Variants in CNTN5 observed in about 807,000 individuals in gnomAD.
CNTN5 encodes contactin-5.
CNTN5 carries 77 observed loss-of-function variants against 129.1 expected under a neutral mutation model. That is an observed-to-expected ratio of 0.60 (90% CI 0.50 to 0.72). The LOEUF is 0.72. CNTN5 is among the 30% of genes least tolerant of loss of function. The probability of loss-of-function intolerance (pLI) is 0.00; values close to 1 mark genes in which losing one functional copy is unlikely to be tolerated. For synonymous variants in CNTN5, 509 were observed against 465.6 expected (o/e 1.09, Z -1.20); for missense variants, 1,478 against 1,328.8 (o/e 1.11, Z -1.75).
intron 2 of CNTN5, among the ~76,000 whole-genome samples, chr11:99,466,119 T>C (rs1208133717): frequency 1.6e-4 from 24 of 152,138 alleles, no homozygotes; most frequent in Admixed American, 1.6e-3. Flanking sequence ...CCTGACCTCG[T>C]GATCCACCCG....
intron 1 of CNTN5, among the ~76,000 whole-genome samples, chr11:99,313,206 T>C (rs1444665870): frequency 6.6e-6 from 1 of 151,990 alleles, no homozygotes; most frequent in Non-Finnish European, 1.5e-5. Context: ...ACAGTTATGA[T>C]GTAAGATTAC....
At chr11:99,939,064 C>T (rs866949459) in intron 7 of CNTN5, among the ~76,000 whole-genome samples, 1 of 151,976 alleles carries the variant, frequency 6.6e-6, no homozygotes, top group Non-Finnish European at 1.5e-5. Flanking sequence ...TTTATCAACC[C>T]TCCGGTGTTT....
chr11:99,905,339 G>A (rs1257163637), intron 6 of CNTN5, among the ~76,000 whole-genome samples: 1 of 152,158 alleles, frequency 6.6e-6, no homozygotes, highest in Non-Finnish European at 1.5e-5. Context: ...AAGGGGTCCA[G>A]TTTCAGTTTT....
At chr11:100,026,522 C>T (rs1374955905) in intron 9 of CNTN5, among the ~76,000 whole-genome samples, 1 of 152,148 alleles carries the variant, frequency 6.6e-6, no homozygotes, top group African/African-American at 2.4e-5. Flanking sequence ...GAGAGTTCTT[C>T]TTGTTCTATT....
chr11:99,727,374 T>C (rs1444002865), intron 3 of CNTN5, among the ~76,000 whole-genome samples: 1 of 149,288 alleles, frequency 6.7e-6, no homozygotes, highest in Non-Finnish European at 1.5e-5. Flanking sequence ...TATTAGAATA[T>C]TGTTATGAAA....
Position 99,504,878 on chromosome 11 carries a change from A to T in CNTN5, c.-70-51267A>T, listed in dbSNP as rs529292059. On this transcript the variant is annotated intron_variant, in intron 2 of 24. Coordinates refer to ENST00000524871, the MANE Select transcript of CNTN5 (RefSeq NM_014361.4). ...TAACAGACCACAACTTCTTGAGTGC[A>T]GAAACCATAGTTTATTGCTCTCCTA... 5.3e-5 allele frequency among the ~76,000 whole-genome samples: 8 copies of T among 152,344 alleles called. No homozygotes were observed. In the East Asian group the frequency reaches 1.5e-3, roughly 29 times the overall value.
chr11:99,840,054 C>T (rs1368068351), intron 4 of CNTN5, among the ~76,000 whole-genome samples: 5 of 151,964 alleles, frequency 3.3e-5, no homozygotes, highest in South Asian at 2.1e-4. Context: ...TTGATATTCA[C>T]GGGTGAGTAA....
At chr11:100,174,376 T>C (rs10501948) in intron 13 of CNTN5, among the ~76,000 whole-genome samples, 4,701 of 152,216 alleles carry the variant, frequency 0.031, 244 homozygotes, top group African/African-American at 0.11. Context: ...TAATCGCACC[T>C]ATAAAATAAA....
At chr11:99,286,583 T>C (rs1209305285) in intron 1 of CNTN5, among the ~76,000 whole-genome samples, 1 of 152,188 alleles carries the variant, frequency 6.6e-6, no homozygotes, top group African/African-American at 2.4e-5. Flanking sequence ...AGGCCATCAA[T>C]GATGTCTAAA....
chr11:99,415,157 G>A (rs537187964), intron 2 of CNTN5, among the ~76,000 whole-genome samples: 1 of 152,236 alleles, frequency 6.6e-6, no homozygotes, highest in African/African-American at 2.4e-5. Flanking sequence ...TAAACAAAAA[G>A]GAGGTTAACA....
intron 1 of CNTN5, among the ~76,000 whole-genome samples, chr11:99,164,253 G>T (rs557366155): frequency 6.7e-6 from 1 of 149,876 alleles, no homozygotes; most frequent in South Asian, 2.1e-4. Flanking sequence ...AACCCAGGAG[G>T]CAGAGGTTGT....
chr11:100,037,702 T>A (rs981846044), intron 9 of CNTN5, among the ~76,000 whole-genome samples: 2 of 152,206 alleles, frequency 1.3e-5, no homozygotes. Context: ...CTTGGGAGGA[T>A]GTATGTGTTG....
intron 3 of CNTN5, among the ~76,000 whole-genome samples, chr11:99,630,401 T>C (rs892658919): frequency 6.6e-6 from 1 of 152,058 alleles, no homozygotes; most frequent in Non-Finnish European, 1.5e-5. Flanking sequence ...CTCTCCTATG[T>C]TGATTTCTTC....
intron 13 of CNTN5, among the ~76,000 whole-genome samples, chr11:100,174,265 A>G (rs1483341497): frequency 1.3e-5 from 2 of 152,114 alleles, no homozygotes; most frequent in Non-Finnish European, 2.9e-5. Flanking sequence ...ATTTGTTATA[A>G]GAGAAAAAGG....
chr11:99,424,865 A>G (rs1487203872), intron 2 of CNTN5, among the ~76,000 whole-genome samples: 1 of 152,246 alleles, frequency 6.6e-6, no homozygotes, highest in Non-Finnish European at 1.5e-5. Context: ...AGAATGAGGT[A>G]CGTGGACAAC....
chr11:99,673,764 GA>G (rs56183704), intron 3 of CNTN5, among the ~76,000 whole-genome samples: 138,395 of 148,250 alleles, frequency 0.93, 64,995 homozygotes, highest in Non-Finnish European at 0.99. Context: ...TGTCCCTGCA[GA>G]AAAAAAAAAA....
chr11:99,235,789 G>T (rs984023381), intron 1 of CNTN5, among the ~76,000 whole-genome samples: 28 of 152,230 alleles, frequency 1.8e-4, no homozygotes, highest in African/African-American at 6.5e-4. Flanking sequence ...ATACTTAACT[G>T]ACAGTGGCAA....
chr11:99,946,441 C>T (rs1223925569), intron 7 of CNTN5, among the ~76,000 whole-genome samples: 3 of 152,070 alleles, frequency 2.0e-5, no homozygotes, highest in East Asian at 1.9e-4. Flanking sequence ...CGATACTCAA[C>T]AAAGAAGTCT....
chr11:99,044,000 T>C (rs1196034032), intron 1 of CNTN5, among the ~76,000 whole-genome samples: 1 of 152,148 alleles, frequency 6.6e-6, no homozygotes, highest in Non-Finnish European at 1.5e-5. Context: ...ATGAACTAAA[T>C]CCCCATTATG....
Sources: allele counts gnomAD v4.1 joint callset (sites outside exome capture counted in the v4.1 genomes callset), GRCh38; gene constraint gnomAD v4.1.1; transcripts MANE v1.5; gene names NCBI Gene and HGNC (gene_info 2026-07-23, HGNC 2026-07-21).